Variants in TPM4 observed in about 807,000 individuals in gnomAD.
TPM4 encodes tropomyosin 4, also known as tropomyosin alpha-4 chain.
TPM4 carries 17 observed loss-of-function variants against 35.8 expected under a neutral mutation model. The ratio of observed to expected loss-of-function variants is 0.47; its 90% CI spans 0.32 to 0.71. The LOEUF (loss-of-function observed/expected upper bound fraction) is 0.71. Among genes scored for constraint, TPM4 ranks in the 30% least tolerant of loss-of-function variants. The pLI, the probability that TPM4 is intolerant of heterozygous loss-of-function variation, is 0.03. For missense variants in TPM4, 240 were observed against 320.9 expected, an observed-to-expected ratio of 0.75 and a Z score of 1.93; for synonymous variants, 120 against 122.9, an observed-to-expected ratio of 0.98 and a Z score of 0.15.
In TPM4 at chr19:16,070,517, G is replaced by A. The variant is rs1227485023; in HGVS notation, c.114+2779G>A. On this transcript the variant is annotated intron_variant, in intron 2 of 2. Coordinates refer to the TPM4 transcript ENST00000589897. This position sits in a 1 kb window ranked among gnomAD's most constrained non-coding sequence, Gnocchi z 7.4. Reference sequence around the variant, plus strand: ...CCAGGCCAGCCCGGCAGCTAAAGGCGAAAGCTCGGAGCTCAGACTGGCCAT... The same window carrying A: ...CCAGGCCAGCCCGGCAGCTAAAGGCAAAAGCTCGGAGCTCAGACTGGCCAT... Among the ~76,000 whole-genome samples, 1 of 152,158 alleles carries A rather than the reference G, an allele frequency of 6.6e-6. No homozygotes were observed. Among genetic ancestry groups the A allele is most frequent in the Non-Finnish European group, 1.5e-5 (1 of 68,006 alleles).
chr19:16,086,033 C>A, intron 2 of TPM4, among the ~76,000 whole-genome samples: 1 of 145,556 alleles, frequency 6.9e-6, no homozygotes. Flanking sequence ...CACACTACTG[C>A]ACTCCAGCCT....
In TPM4 at chr19:16,086,455, A is replaced by G. The variant is rs1304056032; in HGVS notation, c.299A>G (p.Lys100Arg). The G allele has an allele frequency of 6.2e-7, 1 of 1,613,782 alleles. No homozygotes were observed. The highest frequency in any genetic ancestry group is 1.7e-5 in the Admixed American group (1 of 60,004). Reference protein sequence around the residue: ...GMKVIENRAMKDEEKMEIQEM... With the variant: ...GMKVIENRAMRDEEKMEIQEM... ...AAGGTGATAGAAAACCGGGCCATGA[A>G]GGATGAGGAGAAGATGGAGATTCAG... The change falls in exon 3 of 8, where the codon AAG (lysine) becomes AGG (arginine). Residue 100 changes from lysine (K) to arginine (R), a missense_variant. Lys to Arg is a conservative substitution (Grantham distance 26). Transcript: ENST00000643579.
At chr19:16,080,847 C>G (rs2090474152) in intron 1 of TPM4, 1 of 393,444 alleles carries the variant, frequency 2.5e-6, no homozygotes, top group South Asian at 1.4e-4. Context: ...AGCGGGGATT[C>G]CAGCCCAGCA....
intron 7 of TPM4, among the ~76,000 whole-genome samples, chr19:16,094,394 G>A (rs758435406): frequency 1.3e-4 from 20 of 151,966 alleles, no homozygotes; most frequent in Non-Finnish European, 2.8e-4. Context: ...AATTAGCCAG[G>A]CGTGGTGGTG....
chr19:16,086,760 G>A (rs1468680882), intron 3 of TPM4, among the ~76,000 whole-genome samples: 4 of 152,140 alleles, frequency 2.6e-5, no homozygotes, highest in Admixed American at 6.5e-5. Context: ...TGGGAAAACC[G>A]AATGATCAGC....
At chr19:16,094,166 G>A (rs1275419075) in intron 7 of TPM4, among the ~76,000 whole-genome samples, 1 of 151,770 alleles carries the variant, frequency 6.6e-6, no homozygotes. Context: ...AAATATCTCT[G>A]CTTAGTTAGT....
Position 16,076,518 on chromosome 19 carries a change from C to G in TPM4, c.-48C>G, listed in dbSNP as rs924567147. The stretch of plus-strand genomic sequence containing the variant: ...CTGTGCAGCTCTCGCCGGAGCCGAG[C>G]CCAGCCGAGCGTCCGCCGCTGCCCG... On this transcript the variant is annotated 5_prime_UTR_variant, in exon 1 of 8. Coordinates refer to ENST00000643579, the MANE Select transcript of TPM4 (RefSeq NM_003290.3). The G allele has an allele frequency of 7.2e-7, 1 of 1,392,738 alleles. No individual in the cohort carries two copies. Among genetic ancestry groups the G allele is most frequent in the Non-Finnish European group, 9.3e-7 (1 of 1,077,894 alleles). 86.3% of individuals were successfully genotyped at this position (1,392,738 alleles called of 1,614,324 possible).
rs1364600205 is a variant in TPM4 at position 16,070,145 on chromosome 19, G to A, written c.114+2407G>A. ...CCCTGCTAAAAGCCTGGAGGCCGGG[G>A]CAGGTGGGCTGCCCGTGGTGGACGG... is the stretch of plus-strand genomic sequence containing the variant. On this transcript the variant is annotated intron_variant, in intron 2 of 2. Transcript: ENST00000589897. This position sits in a 1 kb window ranked among gnomAD's most constrained non-coding sequence, Gnocchi z 7.4. 6.6e-6 allele frequency among the ~76,000 whole-genome samples: 1 copy of A among 152,156 alleles called. No homozygotes were observed.
intron 4 of TPM4, chr19:16,088,569 C>T: frequency 1.9e-6 from 2 of 1,037,210 alleles, no homozygotes; most frequent in Non-Finnish European, 2.3e-6. Flanking sequence ...AACACCTGTC[C>T]TCTTGGCCCC....
Position 16,071,380 on chromosome 19 carries a change from T to A in TPM4, c.114+3642T>A, listed in dbSNP as rs998904267. On this transcript the variant is annotated intron_variant, in intron 2 of 2. Transcript: ENST00000589897. The stretch of plus-strand genomic sequence containing the variant: ...TATTTTATTTTTAGTAGAGACAGGG[T>A]CTCACTATTGCCCAGGCTAGTCTTG... 5.3e-5 allele frequency among the ~76,000 whole-genome samples: 8 copies of A among 151,992 alleles called. No individual in the cohort carries two copies. The East Asian group carries it at 1.5e-3, about 29-fold the overall frequency.
chr19:16,081,300 T>C, intron 1 of TPM4: 1 of 383,280 alleles, frequency 2.6e-6, no homozygotes, highest in Non-Finnish European at 4.6e-6. Flanking sequence ...GGGTCTATTG[T>C]GTTGCTGGAG....
intron 2 of TPM4, among the ~76,000 whole-genome samples, chr19:16,084,144 T>A (rs1414240700): frequency 6.6e-6 from 1 of 152,156 alleles, no homozygotes; most frequent in African/African-American, 2.4e-5. Context: ...AGCCACGATG[T>A]TCTCAAGCTC....
chr19:16,067,701 A>T lies in TPM4; in HGVS notation c.77A>T (p.Glu26Val). ...GCCATCGACCGCGCGGAGCAGGCGG[A>T]GGCGGATAAGAAAGCCGCTGAGGAC... is the stretch of plus-strand genomic sequence containing the variant. The change falls in exon 2 of 3, where the codon GAG becomes GTG. Residue 26 changes from glutamate (E) to valine (V), a missense_variant. By Grantham distance (121) the Glu-to-Val change is moderately radical. Coordinates refer to the TPM4 transcript ENST00000589897. The surrounding 1 kb of genome is among the most constrained non-coding windows in gnomAD (Gnocchi z 4.1). 6.2e-7 allele frequency: 1 copy of T among 1,613,506 alleles called. No homozygotes were observed. The highest frequency in any genetic ancestry group is 8.5e-7 in the Non-Finnish European group (1 of 1,179,832).
intron 2 of TPM4, among the ~76,000 whole-genome samples, chr19:16,069,306 TGA>T (rs1412148977): frequency 1.3e-5 from 2 of 151,876 alleles, no homozygotes; most frequent in South Asian, 2.1e-4. Context: ...TGTGTATGGA[TGA>T]GTGTGTGTTT....
At chr19:16,089,158 A>G (rs1326024378) in intron 5 of TPM4, 38 bp downstream of exon 5, 1 of 1,611,660 alleles carries the variant, frequency 6.2e-7, no homozygotes, top group Non-Finnish European at 8.5e-7. Context: ...GGCTTGCTGG[A>G]CTTTGTTCTT....
chr19:16,098,267 ACT>A (rs1278130316), intron 7 of TPM4, among the ~76,000 whole-genome samples: 2 of 151,782 alleles, frequency 1.3e-5, no homozygotes, highest in Non-Finnish European at 2.9e-5. Context: ...ACATGGTGAA[ACT>A]CTGTCTCTAC....
chr19:16,076,804 C>T (rs1225499115), intron 1 of TPM4, 107 bp downstream of exon 1: 4 of 1,265,472 alleles, frequency 3.2e-6, no homozygotes, highest in African/African-American at 1.6e-5. Context: ...CTCGGGCCGC[C>T]TTTTTACGCC....
At chr19:16,075,956 A>G (rs911067451), upstream of TPM4, 7 of 1,487,358 alleles carry the variant, frequency 4.7e-6, no homozygotes, top group African/African-American at 1.4e-5. Flanking sequence ...GAGACGGAGG[A>G]CTCTTGTGAA....
At chr19:16,079,336 G>A (rs1036660909) in intron 1 of TPM4, among the ~76,000 whole-genome samples, 3 of 152,166 alleles carry the variant, frequency 2.0e-5, no homozygotes, top group Non-Finnish European at 4.4e-5. Flanking sequence ...AAATGTCCTG[G>A]AATTCGATAA....
Sources: allele counts gnomAD v4.1 joint callset (sites outside exome capture counted in the v4.1 genomes callset), GRCh38; gene constraint gnomAD v4.1.1; non-coding constraint Gnocchi (gnomAD v3.1); transcripts MANE v1.5; gene names NCBI Gene and HGNC (gene_info 2026-07-23, HGNC 2026-07-21).